Variants in ARHGAP24 observed in about 807,000 individuals in gnomAD.
The protein encoded by ARHGAP24 is rho GTPase-activating protein 24.
A neutral mutation model predicts 76.4 loss-of-function variants in ARHGAP24; 50 were observed. The ratio of observed to expected loss-of-function variants is 0.65; its 90% CI spans 0.52 to 0.83. ARHGAP24 has a LOEUF of 0.83. Among genes scored for constraint, ARHGAP24 ranks in the 40% least tolerant of loss-of-function variants. The pLI, the probability that ARHGAP24 is intolerant of heterozygous loss-of-function variation, is 0.00. For synonymous variants in ARHGAP24, 345 were observed against 323.3 expected (o/e 1.07, Z -0.72); for missense variants, 930 against 914.2 (o/e 1.02, Z -0.22).
chr4:85,744,430 C>T (rs968322428), intron 3 of ARHGAP24, among the ~76,000 whole-genome samples: 1 of 152,050 alleles, frequency 6.6e-6, no homozygotes, highest in African/African-American at 2.4e-5. Flanking sequence ...AGATATAAGG[C>T]CCAAGTCACA....
intron 2 of ARHGAP24, among the ~76,000 whole-genome samples, chr4:85,622,992 T>A (rs1365240155): frequency 6.6e-6 from 1 of 152,158 alleles, no homozygotes; most frequent in Non-Finnish European, 1.5e-5. Context: ...AGATTCTGGA[T>A]ATTAGCCCTT....
intron 8 of ARHGAP24, among the ~76,000 whole-genome samples, chr4:85,984,999 T>C (rs1369141899): frequency 6.6e-6 from 1 of 151,996 alleles, no homozygotes; most frequent in African/African-American, 2.4e-5. Context: ...TTTTTGTATT[T>C]TTAGTAGAGA....
intron 1 of ARHGAP24, among the ~76,000 whole-genome samples, chr4:85,547,896 T>G (rs1248230857): frequency 6.6e-6 from 1 of 152,232 alleles, no homozygotes; most frequent in Non-Finnish European, 1.5e-5. Flanking sequence ...GCATCCATTG[T>G]TAATTTGTAA....
At chr4:85,735,307 G>T (rs12505724) in intron 3 of ARHGAP24, among the ~76,000 whole-genome samples, 1 of 151,946 alleles carries the variant, frequency 6.6e-6, no homozygotes, top group Non-Finnish European at 1.5e-5. Context: ...CCATCATCCA[G>T]CACCTCACGT....
intron 3 of ARHGAP24, among the ~76,000 whole-genome samples, chr4:85,835,572 G>T (rs1322548583): frequency 7.2e-6 from 1 of 138,774 alleles, no homozygotes; most frequent in African/African-American, 2.7e-5. Context: ...AAAAAAAAAA[G>T]CACGGTTTGT....
At chr4:85,501,658 C>T (rs867887830) in intron 1 of ARHGAP24, among the ~76,000 whole-genome samples, 3 of 152,042 alleles carry the variant, frequency 2.0e-5, no homozygotes, top group Admixed American at 6.6e-5. Flanking sequence ...AAATTTTCTC[C>T]CATTCTGTAG....
At chr4:85,825,334 C>T (rs1489344159) in intron 3 of ARHGAP24, among the ~76,000 whole-genome samples, 1 of 152,184 alleles carries the variant, frequency 6.6e-6, no homozygotes, top group Non-Finnish European at 1.5e-5. Flanking sequence ...AGTTCAGACT[C>T]TGCCTCTAGC....
intron 3 of ARHGAP24, among the ~76,000 whole-genome samples, chr4:85,906,232 C>T (rs992970601): frequency 6.6e-6 from 1 of 152,150 alleles, no homozygotes; most frequent in Admixed American, 6.5e-5. Flanking sequence ...ACCCACCACT[C>T]ACATTAGGAA....
At chr4:85,857,671 T>C (rs1197886027) in intron 3 of ARHGAP24, among the ~76,000 whole-genome samples, 2 of 152,208 alleles carry the variant, frequency 1.3e-5, no homozygotes, top group Non-Finnish European at 2.9e-5. Context: ...AGATCCTTAC[T>C]CTCTCAGACT....
chr4:85,688,418 A>T (rs1212815186), intron 2 of ARHGAP24, among the ~76,000 whole-genome samples: 4 of 151,438 alleles, frequency 2.6e-5, no homozygotes, highest in Non-Finnish European at 5.9e-5. Context: ...TTTAAATGGG[A>T]TTATTTGTTT....
At chr4:85,694,988 GACA>G (rs144367756) in intron 2 of ARHGAP24, among the ~76,000 whole-genome samples, 2,286 of 152,190 alleles carry the variant, frequency 0.015, 50 homozygotes, top group African/African-American at 0.051. Flanking sequence ...GCTCAATTAC[GACA>G]ACAACAATTA....
intron 3 of ARHGAP24, among the ~76,000 whole-genome samples, chr4:85,848,431 G>A (rs953715838): frequency 4.6e-5 from 7 of 152,198 alleles, no homozygotes; most frequent in African/African-American, 1.4e-4. Context: ...AGAACATGCA[G>A]TGTTTGGTTT....
At chr4:85,993,500 A>G in intron 8 of ARHGAP24, among the ~76,000 whole-genome samples, 1 of 152,158 alleles carries the variant, frequency 6.6e-6, no homozygotes, top group East Asian at 1.9e-4. Context: ...TTCCTCTTCA[A>G]AATCTGATTT....
chr4:85,487,375 A>G (rs1177310122), intron 1 of ARHGAP24, among the ~76,000 whole-genome samples: 2 of 114,712 alleles, frequency 1.7e-5, no homozygotes, highest in Non-Finnish European at 3.2e-5. Flanking sequence ...ATAAATATAT[A>G]TTTATATATA....
intron 2 of ARHGAP24, among the ~76,000 whole-genome samples, chr4:85,598,389 T>C (rs912003695): frequency 2.6e-5 from 4 of 152,096 alleles, no homozygotes; most frequent in African/African-American, 9.7e-5. Flanking sequence ...ACATTTCTCT[T>C]AACACCCTCT....
chr4:85,679,843 C>T (rs1251211075), intron 2 of ARHGAP24, among the ~76,000 whole-genome samples: 1 of 152,144 alleles, frequency 6.6e-6, no homozygotes, highest in Non-Finnish European at 1.5e-5. Context: ...CTTTAATTCT[C>T]TTCACCCATT....
At position 85,942,276 on chromosome 4, in the gene ARHGAP24, A is replaced by G. The variant is rs1736997809; in HGVS notation, c.599+3A>G. 6.2e-7 allele frequency: 1 copy of G among 1,613,908 alleles called. No individual in the cohort carries two copies. Among genetic ancestry groups the G allele is most frequent in the Non-Finnish European group, 8.5e-7 (1 of 1,179,932 alleles). ...GGGGAGAAGCCATCATTTGACAGGT[A>G]GATGTCACAATTTTACTAGCCATCT... On this transcript the variant is annotated splice_donor_region_variant and intron_variant, in intron 5 of 9. Coordinates refer to ENST00000395184, the MANE Select transcript of ARHGAP24 (RefSeq NM_001025616.3).
intron 2 of ARHGAP24, 116 bp downstream of exon 2, chr4:85,570,837 A>G: frequency 2.5e-6 from 3 of 1,192,606 alleles, no homozygotes; most frequent in Non-Finnish European, 3.6e-6. Flanking sequence ...CCTTCAGTTC[A>G]TTGTCATCTT....
At chr4:85,685,690 C>T (rs140134323) in intron 2 of ARHGAP24, among the ~76,000 whole-genome samples, 152 of 150,368 alleles carry the variant, frequency 1.0e-3, no homozygotes, top group Non-Finnish European at 1.5e-3. Context: ...TGACTTCTGC[C>T]TATCTCCTGG....
Sources: gnomAD v4.1 joint callset for allele counts (sites outside exome capture counted in the v4.1 genomes callset) on GRCh38, gnomAD v4.1.1 for gene constraint, MANE v1.5 for transcripts, NCBI Gene and HGNC (gene_info 2026-07-23, HGNC 2026-07-21) for gene names.